The following CXADR variants were observed in gnomAD, a reference collection of about 807,000 sequenced individuals.
CXADR encodes the protein CXADR cell adhesion molecule.
Under a neutral mutation model 40.3 loss-of-function variants are expected in CXADR, and 20 were observed. That is an observed-to-expected ratio of 0.50 (90% CI 0.35 to 0.72). The LOEUF (loss-of-function observed/expected upper bound fraction) is 0.72, where lower values mean the gene tolerates loss of function less well. CXADR is among the 30% of genes least tolerant of loss of function. The pLI is 0.01. For synonymous variants in CXADR, 150 were observed against 161.3 expected, an observed-to-expected ratio of 0.93 and a Z score of 0.53; for missense variants, 332 against 449.1, an observed-to-expected ratio of 0.74 and a Z score of 2.36.
At chr21:17,607,774 C>T in the CXADR span, among the ~76,000 whole-genome samples, 1 of 152,148 alleles carries the variant, frequency 6.6e-6, no homozygotes, top group African/African-American at 2.4e-5. Flanking sequence ...GTCACTGTTC[C>T]ACTTTTATTT....
At chr21:17,606,781 CAGTTT>C in the CXADR span, among the ~76,000 whole-genome samples, 1 of 152,080 alleles carries the variant, frequency 6.6e-6, no homozygotes, top group Non-Finnish European at 1.5e-5. Flanking sequence ...TTAATGTTGA[CAGTTT>C]AGTTCTTTCC....
the CXADR span, among the ~76,000 whole-genome samples, chr21:17,611,368 C>A: frequency 6.6e-6 from 1 of 152,108 alleles, no homozygotes; most frequent in Non-Finnish European, 1.5e-5. Flanking sequence ...TATCTGAGTT[C>A]TGGATTTGTT....
chr21:17,598,678 G>T, the CXADR span: 1 of 1,614,048 alleles, frequency 6.2e-7, no homozygotes, highest in Non-Finnish European at 8.5e-7. Flanking sequence ...TTCCTTACTT[G>T]TTTCTTCATC....
the CXADR span, among the ~76,000 whole-genome samples, chr21:17,621,901 A>C: frequency 6.6e-6 from 1 of 152,254 alleles, no homozygotes; most frequent in African/African-American, 2.4e-5. Flanking sequence ...TTGTATTATG[A>C]ATTAAATACC....
At chr21:17,625,741 T>C in the CXADR span, among the ~76,000 whole-genome samples, 1 of 152,236 alleles carries the variant, frequency 6.6e-6, no homozygotes, top group African/African-American at 2.4e-5. Flanking sequence ...CTCTTATACA[T>C]TTCCTCGTTT....
intron 7 of CXADR, among the ~76,000 whole-genome samples, chr21:17,586,245 C>A (rs558295609): frequency 6.6e-6 from 1 of 151,608 alleles, no homozygotes. Flanking sequence ...ATATACAGAC[C>A]CTTTTTGTAT....
the CXADR span, among the ~76,000 whole-genome samples, chr21:17,603,658 A>G: frequency 6.6e-6 from 1 of 152,144 alleles, no homozygotes; most frequent in African/African-American, 2.4e-5. Context: ...CCAAATAGAA[A>G]CATCCTAAAG....
intron 4 of CXADR, 112 bp from the exon 5 acceptor site, chr21:17,560,590 T>A (rs1160271456): frequency 1.9e-6 from 2 of 1,036,446 alleles, no homozygotes; most frequent in Non-Finnish European, 2.8e-6. Context: ...CCAGCCTTGG[T>A]CTGTCTTGCT....
chr21:17,553,542 G>T (rs533996066), intron 3 of CXADR, among the ~76,000 whole-genome samples: 2 of 151,896 alleles, frequency 1.3e-5, no homozygotes, highest in African/African-American at 4.8e-5. Flanking sequence ...TGTCTTCATT[G>T]AGTAAACATG....
rs769528369 is a variant in CXADR, at chr21:17,565,410, G to A, written c.834-18G>A. The A allele has an allele frequency of 1.2e-6, 2 of 1,611,940 alleles. No homozygotes were observed. The highest frequency in any genetic ancestry group is 8.5e-7 in the Non-Finnish European group (1 of 1,178,790). On this transcript the variant is annotated intron_variant, in intron 6 of 6. Coordinates refer to ENST00000284878, the MANE Select transcript of CXADR (RefSeq NM_001338.5). ...GAAACTTATTCTCTTGACATGTATT[G>A]GGGATTTTGCTTTGCAGGGAAGATG...
At chr21:17,518,380 A>G (rs2060487590) in intron 1 of CXADR, 1 of 450,362 alleles carries the variant, frequency 2.2e-6, no homozygotes, top group Non-Finnish European at 4.1e-6. Flanking sequence ...ATCAAATGAC[A>G]GAAAAATGCT....
At chr21:17,609,548 TAA>T in the CXADR span, among the ~76,000 whole-genome samples, 1 of 152,164 alleles carries the variant, frequency 6.6e-6, no homozygotes, top group Admixed American at 6.5e-5. Flanking sequence ...CTTTAAAACA[TAA>T]AAAAAGTCTA....
At chr21:17,529,321 G>A (rs2060640497) in intron 1 of CXADR, among the ~76,000 whole-genome samples, 1 of 151,262 alleles carries the variant, frequency 6.6e-6, no homozygotes, top group South Asian at 2.1e-4. Context: ...TTGAGCCACT[G>A]CACCTGGCTT....
chr21:17,549,523 A>G (rs1201841176), intron 2 of CXADR, among the ~76,000 whole-genome samples: 1 of 152,232 alleles, frequency 6.6e-6, no homozygotes, highest in East Asian at 1.9e-4. Context: ...GCAAAAGCTG[A>G]TCAGTGAGAG....
the CXADR span, among the ~76,000 whole-genome samples, chr21:17,601,115 A>G: frequency 9.2e-5 from 14 of 151,874 alleles, no homozygotes; most frequent in African/African-American, 3.1e-4. Flanking sequence ...GTGAGCTGAG[A>G]TCGCACCACT....
At chr21:17,563,800 G>C (rs971040719) in intron 6 of CXADR, among the ~76,000 whole-genome samples, 1 of 151,200 alleles carries the variant, frequency 6.6e-6, no homozygotes, top group African/African-American at 2.4e-5. Context: ...AATTAGCCGG[G>C]TGCAGTGGCG....
At chr21:17,527,001 C>T (rs894092093) in intron 1 of CXADR, 2 of 152,162 alleles carry the variant, frequency 1.3e-5, no homozygotes, top group Non-Finnish European at 2.9e-5. Context: ...TTCACCATGG[C>T]AACTGATCTG....
At chr21:17,622,855 C>T in the CXADR span, among the ~76,000 whole-genome samples, 1 of 152,172 alleles carries the variant, frequency 6.6e-6, no homozygotes, top group African/African-American at 2.4e-5. Context: ...CATTCTAAGA[C>T]ACTAAAATGT....
At chr21:17,593,253 T>C in exon 8 of CXADR, 1 of 1,325,770 alleles carries the variant, frequency 7.5e-7, no homozygotes, top group Non-Finnish European at 9.8e-7. Flanking sequence ...AGGCCTCTAG[T>C]AAAGACTTAA....
Sources: gnomAD v4.1 joint callset for allele counts (sites outside exome capture counted in the v4.1 genomes callset) on GRCh38, gnomAD v4.1.1 for gene constraint, MANE v1.5 for transcripts, NCBI Gene and HGNC (gene_info 2026-07-23, HGNC 2026-07-21) for gene names.